The following ZDHHC14 variants were observed in gnomAD, a reference collection of about 807,000 sequenced individuals.
ZDHHC14 encodes the protein palmitoyltransferase ZDHHC14.
In ZDHHC14, 16 loss-of-function variants were observed where a neutral mutation model predicts 47.7. The observed-to-expected ratio is 0.34, with a 90% CI of 0.23 to 0.51. ZDHHC14 has a LOEUF of 0.51. ZDHHC14 is among the 20% of genes least tolerant of loss of function. ZDHHC14 has a pLI of 0.97. For missense variants in ZDHHC14, 515 were observed against 662.5 expected, an observed-to-expected ratio of 0.78 and a Z score of 2.44; for synonymous variants, 293 against 278.9, an observed-to-expected ratio of 1.05 and a Z score of -0.50.
At chr6:157,526,665 T>C (rs2001667) in intron 1 of ZDHHC14, among the ~76,000 whole-genome samples, 1 of 152,020 alleles carries the variant, frequency 6.6e-6, no homozygotes, top group Non-Finnish European at 1.5e-5. Flanking sequence ...GCTCGTGGGT[T>C]AGGAAGGGGC....
chr6:157,407,325 G>T (rs527393223), intron 1 of ZDHHC14, among the ~76,000 whole-genome samples: 6 of 152,266 alleles, frequency 3.9e-5, no homozygotes, highest in African/African-American at 1.4e-4. Context: ...CTACATGGCC[G>T]CTGTGTATAG....
intron 8 of ZDHHC14, among the ~76,000 whole-genome samples, chr6:157,655,531 G>A (rs1245868493): frequency 6.6e-6 from 1 of 152,232 alleles, no homozygotes; most frequent in African/African-American, 2.4e-5. Flanking sequence ...TAAGGACAGA[G>A]CTCACCAGAA....
intron 2 of ZDHHC14, among the ~76,000 whole-genome samples, chr6:157,590,625 C>A (rs1424887561): frequency 2.0e-5 from 3 of 152,228 alleles, no homozygotes; most frequent in South Asian, 2.1e-4. Flanking sequence ...AGGGGTGGAA[C>A]CCTCATGGAG....
intron 8 of ZDHHC14, among the ~76,000 whole-genome samples, chr6:157,669,627 T>C (rs1778703587): frequency 6.6e-6 from 1 of 152,242 alleles, no homozygotes; most frequent in African/African-American, 2.4e-5. Flanking sequence ...AGAGAAGGCT[T>C]TCTTCAGGTC....
chr6:157,597,444 C>T (rs901061598), intron 3 of ZDHHC14, among the ~76,000 whole-genome samples: 1 of 152,214 alleles, frequency 6.6e-6, no homozygotes, highest in African/African-American at 2.4e-5. Context: ...TTAGTACAGC[C>T]TAAACCTGTA....
intron 1 of ZDHHC14, among the ~76,000 whole-genome samples, chr6:157,522,749 CTTCCTCCCTCCCTCCCTTCT>C (rs1165669423): frequency 0.08 from 2,012 of 25,082 alleles, 130 homozygotes; most frequent in African/African-American, 0.37. Context: ...CCCTCCCTTT[CTTCCTCCCTCCCTCCCTTCT>C]TTCCTCCATC....
chr6:157,532,373 T>C (rs1394037243), intron 1 of ZDHHC14, among the ~76,000 whole-genome samples: 1 of 152,278 alleles, frequency 6.6e-6, no homozygotes, highest in South Asian at 2.1e-4. Context: ...TTCAATTCCA[T>C]GAACATTGCC....
chr6:157,457,242 G>A (rs1333256634), intron 1 of ZDHHC14, among the ~76,000 whole-genome samples: 1 of 151,534 alleles, frequency 6.6e-6, no homozygotes, highest in Non-Finnish European at 1.5e-5. Flanking sequence ...GCCACAGACT[G>A]AGATTCTGTG....
rs143665537 is a variant in ZDHHC14 at position 157,536,128 on chromosome 6, C to A, written c.246-6457C>A. On this transcript the variant is annotated intron_variant, in intron 1 of 8. Coordinates refer to ENST00000359775, the MANE Select transcript of ZDHHC14 (RefSeq NM_024630.3). The stretch of plus-strand genomic sequence containing the variant: ...ATTGAAATGCTTTGCAATCGAGAAT[C>A]TGAAACTTAAAATGCTAGGTTACTT... Among the ~76,000 whole-genome samples, 241 of 152,294 alleles carry A rather than the reference C, an allele frequency of 1.6e-3. 2 individuals are homozygous for A. Among genetic ancestry groups the A allele is most frequent in the Non-Finnish European group, 2.5e-4 (17 of 68,022 alleles).
At chr6:157,461,399 T>G (rs1197103591) in intron 1 of ZDHHC14, among the ~76,000 whole-genome samples, 1 of 152,226 alleles carries the variant, frequency 6.6e-6, no homozygotes, top group Non-Finnish European at 1.5e-5. Context: ...GACATCAGGA[T>G]ACAGCTGGAG....
chr6:157,382,343 T>A, intron 1 of ZDHHC14, 77 bp downstream of exon 1: 1 of 1,537,860 alleles, frequency 6.5e-7, no homozygotes, highest in Non-Finnish European at 8.8e-7. Flanking sequence ...CGGGCTGCTT[T>A]CGTTTTCTAG....
At chr6:157,430,313 A>AAC (rs1778313269) in intron 1 of ZDHHC14, among the ~76,000 whole-genome samples, 1 of 77,936 alleles carries the variant, frequency 1.3e-5, no homozygotes, top group Non-Finnish European at 2.6e-5. Context: ...AGACTGTGTA[A>AAC]AAAAAAAAAA....
chr6:157,460,869 C>T (rs1308489107), intron 1 of ZDHHC14, among the ~76,000 whole-genome samples: 1 of 152,194 alleles, frequency 6.6e-6, no homozygotes, highest in Non-Finnish European at 1.5e-5. Flanking sequence ...CCTTCTTACA[C>T]GGTCCTAGGC....
At chr6:157,516,243 C>T (rs1338477740) in intron 1 of ZDHHC14, among the ~76,000 whole-genome samples, 3 of 152,216 alleles carry the variant, frequency 2.0e-5, no homozygotes, top group Non-Finnish European at 4.4e-5. Context: ...TTACTACATT[C>T]TAACGTTGAT....
chr6:157,577,741 G>A (rs1783358721), intron 2 of ZDHHC14, among the ~76,000 whole-genome samples: 1 of 152,150 alleles, frequency 6.6e-6, no homozygotes. Context: ...GTAGAGATGG[G>A]GTTTTACCAC....
chr6:157,487,160 CT>C (rs1779800641), intron 1 of ZDHHC14, among the ~76,000 whole-genome samples: 1 of 152,254 alleles, frequency 6.6e-6, no homozygotes, highest in Non-Finnish European at 1.5e-5. Context: ...AGAAGAACCC[CT>C]TTGACCCCGG....
At chr6:157,451,959 G>C (rs1778813541) in intron 1 of ZDHHC14, among the ~76,000 whole-genome samples, 1 of 152,212 alleles carries the variant, frequency 6.6e-6, no homozygotes, top group African/African-American at 2.4e-5. Context: ...CCTAGGAGTG[G>C]GGAGGTCCCT....
intron 1 of ZDHHC14, among the ~76,000 whole-genome samples, chr6:157,410,436 A>C (rs1408551032): frequency 6.6e-6 from 1 of 152,236 alleles, no homozygotes; most frequent in South Asian, 2.1e-4. Flanking sequence ...TGAATGAAAA[A>C]GTAAGAATTG....
At chr6:157,603,614 G>A (rs1182900665) in intron 3 of ZDHHC14, among the ~76,000 whole-genome samples, 1 of 152,198 alleles carries the variant, frequency 6.6e-6, no homozygotes, top group African/African-American at 2.4e-5. Flanking sequence ...CGTATTACAA[G>A]CACCCTCAAA....
Sources: gnomAD v4.1 joint callset for allele counts (sites outside exome capture counted in the v4.1 genomes callset) on GRCh38, gnomAD v4.1.1 for gene constraint, MANE v1.5 for transcripts, NCBI Gene and HGNC (gene_info 2026-07-23, HGNC 2026-07-21) for gene names.